Variants in ATAD2B observed in about 807,000 individuals in gnomAD.
The protein encoded by ATAD2B is ATPase family AAA domain-containing protein 2B.
ATAD2B carries 40 observed loss-of-function variants against 167.6 expected under a neutral mutation model. The ratio of observed to expected loss-of-function variants is 0.24; its 90% CI spans 0.19 to 0.31. ATAD2B has a LOEUF of 0.31. Among genes scored for constraint, ATAD2B ranks in the 10% least tolerant of loss-of-function variants. The pLI is 1.00. For missense variants in ATAD2B, 1,242 were observed against 1,757.2 expected (o/e 0.71, Z 5.24); for synonymous variants, 579 against 596.5 (o/e 0.97, Z 0.43).
At chr2:23,728,387 A>C in the ATAD2B span, among the ~76,000 whole-genome samples, 1 of 152,182 alleles carries the variant, frequency 6.6e-6, no homozygotes, top group East Asian at 1.9e-4. Flanking sequence ...AGATTGGTAC[A>C]TGGTAGAGGG....
chr2:23,745,571 C>T (rs552447017), downstream of ATAD2B, among the ~76,000 whole-genome samples: 1 of 152,244 alleles, frequency 6.6e-6, no homozygotes, highest in African/African-American at 2.4e-5. Flanking sequence ...AGATAGGACC[C>T]CCCAACCTGA....
chr2:23,885,938 A>G (rs1698603320), intron 4 of ATAD2B, 109 bp from the exon 5 acceptor site: 3 of 645,796 alleles, frequency 4.6e-6, no homozygotes, highest in Admixed American at 3.5e-5. Flanking sequence ...ACTACACACA[A>G]CTTTTTTTTC....
chr2:23,906,721 A>G (rs942916932), intron 1 of ATAD2B, among the ~76,000 whole-genome samples: 2 of 151,954 alleles, frequency 1.3e-5, no homozygotes, highest in Non-Finnish European at 2.9e-5. Flanking sequence ...ATCCTCAATA[A>G]AATACTGGCA....
At chr2:23,805,975 G>C (rs184450978) in intron 18 of ATAD2B, among the ~76,000 whole-genome samples, 1 of 152,098 alleles carries the variant, frequency 6.6e-6, no homozygotes, top group Admixed American at 6.5e-5. Context: ...CCCATATTTA[G>C]AAAACTTGTT....
intron 10 of ATAD2B, among the ~76,000 whole-genome samples, chr2:23,866,265 C>T (rs1161648318): frequency 1.3e-5 from 2 of 152,020 alleles, no homozygotes; most frequent in African/African-American, 4.8e-5. Context: ...ATTAGCTGGG[C>T]GTGGTGGCGC....
rs539638768 is a variant in ATAD2B, at chr2:23,872,922, G to A, written c.977+2907C>T. The A allele has an allele frequency of 9.7e-5, 74 of 766,438 alleles. 1 individual carries two copies. Among genetic ancestry groups the A allele is most frequent in the Non-Finnish European group, 1.5e-4 (62 of 414,166 alleles). 47.5% of individuals were successfully genotyped at this position (766,438 alleles called of 1,614,324 possible). On this transcript the variant is annotated intron_variant, in intron 8 of 27. Transcript: ENST00000238789. ...TCTTCATCTCCTTATGGCCCGCCGG[G>A]CTCACATTGGCATTGTACCAGTCGC...
intron 1 of ATAD2B, among the ~76,000 whole-genome samples, chr2:23,903,187 A>T (rs1362590727): frequency 6.6e-6 from 1 of 151,964 alleles, no homozygotes; most frequent in South Asian, 2.1e-4. Flanking sequence ...AGTGAGCCAT[A>T]ATCACGTCAC....
At chr2:23,903,565 C>T (rs996780692) in intron 1 of ATAD2B, among the ~76,000 whole-genome samples, 2 of 152,098 alleles carry the variant, frequency 1.3e-5, no homozygotes, top group African/African-American at 4.8e-5. Context: ...TAAATAGTGA[C>T]TATTATTCTG....
chr2:23,740,233 A>G, the ATAD2B span, among the ~76,000 whole-genome samples: 517 of 152,206 alleles, frequency 3.4e-3, 3 homozygotes, highest in African/African-American at 0.012. Flanking sequence ...CCAAAGCCTG[A>G]CAGAGACACA....
chr2:23,682,682 A>C, the ATAD2B span, among the ~76,000 whole-genome samples: 1 of 144,506 alleles, frequency 6.9e-6, no homozygotes, highest in African/African-American at 2.6e-5. This position sits in a 1 kb window ranked among gnomAD's most constrained non-coding sequence, Gnocchi z 4.1. Context: ...ACCCTCCCAC[A>C]CCCTCCCGCA....
At chr2:23,819,961 GGGT>G in intron 16 of ATAD2B, 79 bp from the exon 17 acceptor site, 1 of 1,048,916 alleles carries the variant, frequency 9.5e-7, no homozygotes, top group South Asian at 1.8e-5. Flanking sequence ...AAGAAAAATT[GGGT>G]TAAAAAATCA....
chr2:23,901,554 C>A (rs976490247), intron 1 of ATAD2B, among the ~76,000 whole-genome samples: 13 of 152,060 alleles, frequency 8.5e-5, no homozygotes, highest in African/African-American at 3.1e-4. Context: ...ATTACAAAAA[C>A]GTACCCTATT....
the ATAD2B span, among the ~76,000 whole-genome samples, chr2:23,684,787 C>T: frequency 6.6e-6 from 1 of 152,160 alleles, no homozygotes; most frequent in Admixed American, 6.5e-5. This position sits in a 1 kb window ranked among gnomAD's most constrained non-coding sequence, Gnocchi z 4.4. Context: ...CACCAGGGGC[C>T]TCTGCCAGCA....
chr2:23,762,926 C>G (rs1676932623), intron 23 of ATAD2B, among the ~76,000 whole-genome samples: 1 of 152,314 alleles, frequency 6.6e-6, no homozygotes, highest in South Asian at 2.1e-4. Flanking sequence ...CTAATCTACA[C>G]ATTCCCCAGC....
chr2:23,890,551 C>T (rs1363732107), intron 2 of ATAD2B, among the ~76,000 whole-genome samples: 2 of 152,196 alleles, frequency 1.3e-5, no homozygotes. Context: ...TAAAACCACA[C>T]AGAAAAACCA....
At position 23,878,436 on chromosome 2, in the gene ATAD2B, A is replaced by T. The variant is rs550784604; in HGVS notation, c.901+2203T>A. 6.4e-4 allele frequency among the ~76,000 whole-genome samples: 97 copies of T among 152,050 alleles called. 1 individual carries two copies. Among genetic ancestry groups the T allele is most frequent in the African/African-American group, 2.3e-3 (96 of 41,480 alleles). On this transcript the variant is annotated intron_variant, in intron 7 of 27. Coordinates refer to ENST00000238789, the MANE Select transcript of ATAD2B (RefSeq NM_017552.4). ...GACTTTGGGAGGCTGAGGCGGGCGG[A>T]TCATGAGGTCAGGAGATCGAGACCA... is the stretch of plus-strand genomic sequence containing the variant.
At chr2:23,765,760 G>A (rs1677323028) in intron 22 of ATAD2B, 132 bp from the exon 23 acceptor site, 1 of 525,342 alleles carries the variant, frequency 1.9e-6, no homozygotes, top group Non-Finnish European at 3.0e-6. Context: ...TTTATTTAAA[G>A]TATGGGTAAA....
At chr2:23,684,038 G>A in the ATAD2B span, among the ~76,000 whole-genome samples, 3 of 152,162 alleles carry the variant, frequency 2.0e-5, no homozygotes, top group Non-Finnish European at 2.9e-5. The surrounding 1 kb of genome is among the most constrained non-coding windows in gnomAD (Gnocchi z 4.4). Flanking sequence ...AACTTGCTCC[G>A]TAGTTATTTG....
At chr2:23,752,203 TTGAA>T in intron 27 of ATAD2B, 116 bp from the exon 28 acceptor site, 1 of 740,848 alleles carries the variant, frequency 1.3e-6, no homozygotes, top group South Asian at 1.7e-5. Flanking sequence ...AGGTTAAACT[TTGAA>T]TATTTTCCTG....
Sources: allele counts gnomAD v4.1 joint callset (sites outside exome capture counted in the v4.1 genomes callset), GRCh38; gene constraint gnomAD v4.1.1; non-coding constraint Gnocchi (gnomAD v3.1); transcripts MANE v1.5; gene names NCBI Gene and HGNC (gene_info 2026-07-23, HGNC 2026-07-21).